The following GRID2IP variants were observed in gnomAD, a reference collection of about 807,000 sequenced individuals.
The protein encoded by GRID2IP is delphilin.
GRID2IP carries 78 observed loss-of-function variants against 114.3 expected under a neutral mutation model. That is an observed-to-expected ratio of 0.68 (90% confidence interval 0.57 to 0.82). The LOEUF is 0.82. GRID2IP is among the 40% of genes least tolerant of loss of function. The probability of loss-of-function intolerance (pLI) is 0.00; values close to 1 mark genes in which losing one functional copy is unlikely to be tolerated. For missense variants in GRID2IP, 1,727 were observed against 1,678.5 expected (o/e 1.03, Z -0.51); for synonymous variants, 809 against 724.0 (o/e 1.12, Z -1.89).
chr7:6,504,981 C>A, intron 14 of GRID2IP, 111 bp from the exon 15 acceptor site: 1 of 821,306 alleles, frequency 1.2e-6, no homozygotes, highest in South Asian at 1.6e-5. Flanking sequence ...AGCACGACCT[C>A]GACTTAATCA....
chr7:6,536,658 C>G lies in GRID2IP; in HGVS notation c.584+3060G>C, dbSNP rs902606010. On this transcript the variant is annotated intron_variant, in intron 2 of 21. Transcript: ENST00000457091. This position sits in a 1 kb window ranked among gnomAD's most constrained non-coding sequence, Gnocchi z 5.3. ...GGACAGCTGGGCCGCCTGCGCCCCG[C>G]TGGCCCATCCCTGGTGGGGAGGGGC... Among the ~76,000 whole-genome samples, 11 of 152,052 alleles carry G rather than the reference C, an allele frequency of 7.2e-5. No individual in the cohort carries two copies. Among genetic ancestry groups the G allele is most frequent in the Non-Finnish European group, 1.2e-4 (8 of 67,990 alleles).
At chr7:6,545,200 GC>G (rs1443166107) in intron 1 of GRID2IP, among the ~76,000 whole-genome samples, 2 of 152,036 alleles carry the variant, frequency 1.3e-5, no homozygotes. Flanking sequence ...GATCTCTTGT[GC>G]CCGGGAAATC....
intron 1 of GRID2IP, among the ~76,000 whole-genome samples, chr7:6,541,023 T>G (rs1157432132): frequency 6.6e-6 from 1 of 152,124 alleles, no homozygotes; most frequent in East Asian, 1.9e-4. Flanking sequence ...TTATAATCCC[T>G]CATCTACTTA....
rs1240447103 is a variant in GRID2IP at position 6,536,902 on chromosome 7, G to A, written c.584+2816C>T. 5 of 663,314 alleles carry A rather than the reference G, an allele frequency of 7.5e-6. No homozygotes were observed. The highest frequency in any genetic ancestry group is 1.4e-5 in the Non-Finnish European group (5 of 367,328). 41.1% of individuals were successfully genotyped at this position (663,314 alleles called of 1,614,324 possible). ...CCGCTGCAGAGCCGAGAGCTGCGCC[G>A]GGGCTGGGGTGGGCGGGGGGGCGGC... On this transcript the variant is annotated intron_variant, in intron 2 of 21. Coordinates refer to ENST00000457091, the MANE Select transcript of GRID2IP (RefSeq NM_001145118.2). The surrounding 1 kb of genome is among the most constrained non-coding windows in gnomAD (Gnocchi z 5.3).
chr7:6,544,975 T>G (rs1779866264), intron 1 of GRID2IP, among the ~76,000 whole-genome samples: 1 of 151,938 alleles, frequency 6.6e-6, no homozygotes, highest in Non-Finnish European at 1.5e-5. Context: ...TAGTCCCAGC[T>G]ACTCGGGAGG....
Position 6,536,432 on chromosome 7 carries a change from C to A in GRID2IP, c.584+3286G>T, listed in dbSNP as rs1032723537. Among the ~76,000 whole-genome samples the A allele has an allele frequency of 2.6e-5, 4 of 152,248 alleles. No homozygotes were observed. The highest frequency in any genetic ancestry group is 9.6e-5 in the African/African-American group (4 of 41,472). ...GTTCCCCCTCCCGCGCCCTGCCCGACCCGCTGCCGCAGCTGCCGGCGGCTT... is the reference window on the plus strand; with the variant it reads ...GTTCCCCCTCCCGCGCCCTGCCCGAACCGCTGCCGCAGCTGCCGGCGGCTT... On this transcript the variant is annotated intron_variant, in intron 2 of 21. Transcript: ENST00000457091. The surrounding 1 kb of genome is among the most constrained non-coding windows in gnomAD (Gnocchi z 5.3).
In GRID2IP at chr7:6,551,099, A is replaced by C; in HGVS notation, c.338T>G (p.Leu113Arg). ...GGCCAGGCGAAGCAGCTCACGGCCC[A>C]GAGCTAGGCCGCGGCCGCACCGCGG... ...RAPRCGRGLA[L>R]GRELLRLAGR... is the part of the protein sequence containing the mutation. Residue 113 changes from leucine to arginine, a missense_variant, in exon 1 of 22, where the codon CTG becomes CGG. Physicochemically the swap from Leu to Arg is moderately radical, Grantham distance 102. Coordinates refer to ENST00000457091, the MANE Select transcript of GRID2IP (RefSeq NM_001145118.2). The C allele has an allele frequency of 7.7e-7, 1 of 1,302,322 alleles. No individual in the cohort carries two copies. 80.7% of individuals were successfully genotyped at this position (1,302,322 alleles called of 1,614,324 possible).
chr7:6,510,773 T>C (rs1779131236), intron 9 of GRID2IP, 67 bp from the exon 10 acceptor site: 2 of 1,485,514 alleles, frequency 1.3e-6, no homozygotes, highest in Admixed American at 4.2e-5. Context: ...AGAACCAACA[T>C]GCCCCGCAGA....
chr7:6,535,771 T>G (rs1218887502), intron 2 of GRID2IP, among the ~76,000 whole-genome samples: 4 of 152,078 alleles, frequency 2.6e-5, no homozygotes, highest in Admixed American at 2.0e-4. Flanking sequence ...CTCTCTGTGG[T>G]CCCCTCTACT....
At position 6,536,216 on chromosome 7, in the gene GRID2IP, C is replaced by A. The variant is rs1779719901; in HGVS notation, c.584+3502G>T. 1.3e-5 allele frequency among the ~76,000 whole-genome samples: 2 copies of A among 152,166 alleles called. No homozygotes were observed. Among genetic ancestry groups the A allele is most frequent in the African/African-American group, 4.8e-5 (2 of 41,442 alleles). ...GAGGTGCGGGGTGGCTGAAGCCCTA[C>A]TGCCAGGGTAACATTCTCCTTGCGG... On this transcript the variant is annotated intron_variant, in intron 2 of 21. Transcript: ENST00000457091. The surrounding 1 kb of genome is among the most constrained non-coding windows in gnomAD (Gnocchi z 5.3).
chr7:6,503,180 G>A lies in GRID2IP; in HGVS notation c.2908-17C>T. The A allele has an allele frequency of 7.5e-7, 1 of 1,334,990 alleles. No homozygotes were observed. The highest frequency in any genetic ancestry group is 9.8e-7 in the Non-Finnish European group (1 of 1,017,928). 82.7% of individuals were successfully genotyped at this position (1,334,990 alleles called of 1,614,324 possible). A position where few individuals can be genotyped will look rare whatever the true frequency, so the allele number is the denominator to read the frequency against. On this transcript the variant is annotated splice_polypyrimidine_tract_variant and intron_variant, in intron 16 of 21. Transcript: ENST00000457091. ...TGACAGCATCTGCCTCGAAGGCAGA[G>A]CCAGGATTCACCCATCCCCTTCCTG...
Position 6,521,406 on chromosome 7 carries a change from C to T in GRID2IP, c.1084+23G>A. On this transcript the variant is annotated intron_variant, in intron 6 of 21. Transcript: ENST00000457091. The surrounding 1 kb of genome is among the most constrained non-coding windows in gnomAD (Gnocchi z 4.1). ...GCAGGGTCTCTGGGGGCCAAGGAAG[C>T]CAAGTGTCCATGGGGGTCTCACCAC... The T allele has an allele frequency of 6.7e-7, 1 of 1,497,800 alleles. No homozygotes were observed. The highest frequency in any genetic ancestry group is 9.0e-7 in the Non-Finnish European group (1 of 1,113,886). The allele number at this position is 1,497,800 out of a possible 1,614,324, so 92.8% of individuals were successfully genotyped here.
At chr7:6,522,993 G>A (rs543062731) in intron 4 of GRID2IP, among the ~76,000 whole-genome samples, 91 of 152,030 alleles carry the variant, frequency 6.0e-4, no homozygotes, top group African/African-American at 2.1e-3. Context: ...TTGTAGAGAC[G>A]AAGTTTCACC....
chr7:6,546,579 A>AG (rs1779892622), intron 1 of GRID2IP, among the ~76,000 whole-genome samples: 1 of 151,280 alleles, frequency 6.6e-6, no homozygotes, highest in African/African-American at 2.4e-5. Flanking sequence ...CAAAAAAAAA[A>AG]AAAAAAAGAT....
In GRID2IP at chr7:6,509,737, G is replaced by T. The variant is rs1786707944; in HGVS notation, c.1772-424C>A. On this transcript the variant is annotated intron_variant, in intron 11 of 21. Coordinates refer to ENST00000457091, the MANE Select transcript of GRID2IP (RefSeq NM_001145118.2). The surrounding 1 kb of genome is among the most constrained non-coding windows in gnomAD (Gnocchi z 4.9). ...CTGCAGAGCAACTGTCTTCCCAGCT[G>T]TGCCAACGCTGGTACAACGCGTTGC... Among the ~76,000 whole-genome samples the T allele has an allele frequency of 6.6e-6, 1 of 152,240 alleles. No individual in the cohort carries two copies. The highest frequency in any genetic ancestry group is 2.1e-4 in the South Asian group (1 of 4,832).
At chr7:6,515,044 C>T (rs777704584) in intron 7 of GRID2IP, among the ~76,000 whole-genome samples, 2 of 152,136 alleles carry the variant, frequency 1.3e-5, no homozygotes, top group Non-Finnish European at 2.9e-5. Context: ...CCAATCTCAG[C>T]TCTGCCACTT....
intron 8 of GRID2IP, among the ~76,000 whole-genome samples, chr7:6,511,443 G>A (rs1424050611): frequency 1.3e-5 from 2 of 152,096 alleles, no homozygotes; most frequent in African/African-American, 4.8e-5. Flanking sequence ...TGCAATCTCA[G>A]CTCACTGCAA....
rs1189953026 is a variant in GRID2IP at position 6,534,179 on chromosome 7, G to A, written c.584+5539C>T. Among the ~76,000 whole-genome samples the A allele has an allele frequency of 6.6e-6, 1 of 152,190 alleles. No homozygotes were observed. The highest frequency in any genetic ancestry group is 1.9e-4 in the East Asian group (1 of 5,190). On this transcript the variant is annotated intron_variant, in intron 2 of 21. Transcript: ENST00000457091. The surrounding 1 kb of genome is among the most constrained non-coding windows in gnomAD (Gnocchi z 4.5). ...TGTAGATGTCAGTGAACCTGCCTGA[G>A]ATTGCACTGCCAGTGAGTGGACCTG... is the stretch of plus-strand genomic sequence containing the variant.
At chr7:6,499,722 C>A (rs898966321) in intron 20 of GRID2IP, among the ~76,000 whole-genome samples, 1 of 151,776 alleles carries the variant, frequency 6.6e-6, no homozygotes, top group South Asian at 2.1e-4. Flanking sequence ...TGAGCCACAG[C>A]GCCTGGACTG....
Sources: allele counts gnomAD v4.1 joint callset (sites outside exome capture counted in the v4.1 genomes callset), GRCh38; gene constraint gnomAD v4.1.1; non-coding constraint Gnocchi (gnomAD v3.1); transcripts MANE v1.5; gene names NCBI Gene and HGNC (gene_info 2026-07-23, HGNC 2026-07-21).